TCF20: variants seen among roughly 807,000 people sequenced by gnomAD.
TCF20 encodes the protein transcription factor 20, also known as SPRE-binding protein.
Under a neutral mutation model 148.6 loss-of-function variants are expected in TCF20, and 3 were observed. That is an observed-to-expected ratio of 0.02 (90% CI 0.01 to 0.05). The LOEUF (loss-of-function observed/expected upper bound fraction) is 0.05. Among genes scored for constraint, TCF20 ranks in the 10% least tolerant of loss-of-function variants. The pLI, the probability that TCF20 is intolerant of heterozygous loss-of-function variation, is 1.00. For synonymous variants in TCF20, 1,049 were observed against 909.5 expected, an observed-to-expected ratio of 1.15 and a Z score of -2.76; for missense variants, 2,350 against 2,429.3, an observed-to-expected ratio of 0.97 and a Z score of 0.69.
At chr22:42,281,487 C>A (rs906834928) in intron 1 of TCF20, among the ~76,000 whole-genome samples, 1 of 152,214 alleles carries the variant, frequency 6.6e-6, no homozygotes, top group Admixed American at 6.5e-5. Context: ...TCCCTTCCAA[C>A]GGCTTCAGCC....
In TCF20 at chr22:42,204,311, A is replaced by G. The variant is rs376286851; in HGVS notation, c.5655+5340T>C. On this transcript the variant is annotated intron_variant, in intron 2 of 5. Transcript: ENST00000677622. ...GGAGTTCAAGGCCAGCTTGGCCAACATCCTCAAATCCCGTCTCTACTAAAA... is the reference window on the plus strand; with the variant it reads ...GGAGTTCAAGGCCAGCTTGGCCAACGTCCTCAAATCCCGTCTCTACTAAAA... 3.3e-5 allele frequency among the ~76,000 whole-genome samples: 5 copies of G among 152,280 alleles called. No individual in the cohort carries two copies. The South Asian group carries it at 1.0e-3, about 32-fold the overall frequency.
At chr22:42,191,817 T>C (rs1937350371) in intron 2 of TCF20, among the ~76,000 whole-genome samples, 1 of 152,166 alleles carries the variant, frequency 6.6e-6, no homozygotes. Context: ...TTAGCACTTT[T>C]CCTCTGAATA....
chr22:42,328,942 G>A (rs1165004548), intron 1 of TCF20, among the ~76,000 whole-genome samples: 2 of 152,222 alleles, frequency 1.3e-5, no homozygotes, highest in African/African-American at 4.8e-5. Flanking sequence ...TGTGTGGGAA[G>A]CCTGAAACGC....
At chr22:42,172,910 G>A (rs1486774917) in intron 3 of TCF20, among the ~76,000 whole-genome samples, 5 of 152,192 alleles carry the variant, frequency 3.3e-5, no homozygotes, top group Non-Finnish European at 7.3e-5. Context: ...CATAAGGAGG[G>A]AAATATGGGG....
chr22:42,210,398 A>G lies in TCF20; in HGVS notation c.4908T>C (p.His1636=). The G allele has an allele frequency of 6.2e-7, 1 of 1,614,152 alleles. No homozygotes were observed. Among genetic ancestry groups the G allele is most frequent in the South Asian group, 1.1e-5 (1 of 91,076 alleles). Residue 1636 remains histidine (H), a synonymous_variant, in exon 2 of 6, where the codon CAT becomes CAC. Transcript: ENST00000677622. The surrounding 1 kb of genome is among the most constrained non-coding windows in gnomAD (Gnocchi z 4.7). ...AKNKSFYPYI[H]VVNKCELGAV... ...CTCCAAGTTCACACTTATTTACTAC[A>G]TGGATGTAAGGGTAAAAAGACTTGT...
Position 42,317,117 on chromosome 22 carries a change from C to T in TCF20, c.-37+26362G>A, listed in dbSNP as rs985504035. The stretch of plus-strand genomic sequence containing the variant: ...TGGCAACACTATCCGTCTGCCTCCC[C>T]TGCAGACTGAGCGCTCTGTGTGCTT... On this transcript the variant is annotated intron_variant, in intron 1 of 1. Transcript: ENST00000515426. The surrounding 1 kb of genome is among the most constrained non-coding windows in gnomAD (Gnocchi z 4.2). Among the ~76,000 whole-genome samples, 38 of 152,232 alleles carry T rather than the reference C, an allele frequency of 2.5e-4. No individual in the cohort carries two copies. Among genetic ancestry groups the T allele is most frequent in the Non-Finnish European group, 4.4e-5 (3 of 68,040 alleles).
chr22:42,324,031 A>G (rs113835363), intron 1 of TCF20, among the ~76,000 whole-genome samples: 284 of 4,254 alleles, frequency 0.067, no homozygotes, highest in Non-Finnish European at 0.16. Context: ...GGTGGTGGTG[A>G]TGGAGGTTAT....
At chr22:42,323,909 T>A (rs1427462964) in intron 1 of TCF20, among the ~76,000 whole-genome samples, 3 of 125,112 alleles carry the variant, frequency 2.4e-5, no homozygotes, top group African/African-American at 6.1e-5. Context: ...GTGGAGGTGG[T>A]GGTGGTGATG....
At chr22:42,273,127 A>AGG (rs35219812), upstream of TCF20, among the ~76,000 whole-genome samples, 27,084 of 152,008 alleles carry the variant, frequency 0.18, 2,634 homozygotes, top group East Asian at 0.33. Context: ...TGGGAGGCCA[A>AGG]GGGGGGTGTA....
intron 1 of TCF20, among the ~76,000 whole-genome samples, chr22:42,308,082 A>G (rs1471085763): frequency 2.6e-5 from 4 of 152,188 alleles, no homozygotes; most frequent in Non-Finnish European, 5.9e-5. Context: ...GGCTCCTTCC[A>G]GGCCATTATC....
intron 2 of TCF20, among the ~76,000 whole-genome samples, chr22:42,198,472 T>C (rs953478337): frequency 6.6e-6 from 1 of 152,238 alleles, no homozygotes; most frequent in Non-Finnish European, 1.5e-5. Context: ...CCAAGTCGCT[T>C]ATATAAAATA....
chr22:42,285,840 C>A (rs183464135), upstream of TCF20, among the ~76,000 whole-genome samples: 1 of 152,192 alleles, frequency 6.6e-6, no homozygotes, highest in East Asian at 1.9e-4. The surrounding 1 kb of genome is among the most constrained non-coding windows in gnomAD (Gnocchi z 4.2). Flanking sequence ...CCTCCCCCTA[C>A]TCCCACCACT....
At chr22:42,314,703 T>C (rs1487551436) in intron 1 of TCF20, among the ~76,000 whole-genome samples, 2 of 152,200 alleles carry the variant, frequency 1.3e-5, no homozygotes, top group African/African-American at 4.8e-5. Context: ...AGCCCAGTGC[T>C]GACTGGCACA....
chr22:42,182,566 C>G (rs1373453030), intron 2 of TCF20, among the ~76,000 whole-genome samples: 1 of 152,198 alleles, frequency 6.6e-6, no homozygotes, highest in Non-Finnish European at 1.5e-5. Context: ...AGTGTGCAAA[C>G]TCCACTATGA....
chr22:42,242,553 C>T (rs1390988799), intron 1 of TCF20, among the ~76,000 whole-genome samples: 1 of 152,036 alleles, frequency 6.6e-6, no homozygotes. Flanking sequence ...GTGAGGAGCT[C>T]AAAGTCAAGG....
intron 1 of TCF20, among the ~76,000 whole-genome samples, chr22:42,300,390 A>G (rs566685092): frequency 6.8e-6 from 1 of 146,154 alleles, no homozygotes; most frequent in East Asian, 2.0e-4. Context: ...GGCTCAAACT[A>G]AAAAAAAAAA....
At chr22:42,175,545 T>TG (rs761635422) in intron 3 of TCF20, among the ~76,000 whole-genome samples, 14 of 152,098 alleles carry the variant, frequency 9.2e-5, no homozygotes, top group Middle Eastern at 3.2e-3. Flanking sequence ...TTCACCATGT[T>TG]GGCCAGGCTG....
intron 1 of TCF20, among the ~76,000 whole-genome samples, chr22:42,289,245 A>G (rs1485953195): frequency 6.6e-6 from 1 of 152,144 alleles, no homozygotes; most frequent in East Asian, 1.9e-4. Context: ...GAAGTGAGGT[A>G]TTTTTATACC....
At chr22:42,341,628 C>T (rs1248845692) in intron 1 of TCF20, among the ~76,000 whole-genome samples, 1 of 152,172 alleles carries the variant, frequency 6.6e-6, no homozygotes, top group Non-Finnish European at 1.5e-5. Flanking sequence ...ATTCCGAGAG[C>T]CCTGTAAGGG....
Sources: allele counts gnomAD v4.1 joint callset (sites outside exome capture counted in the v4.1 genomes callset), GRCh38; gene constraint gnomAD v4.1.1; non-coding constraint Gnocchi (gnomAD v3.1); transcripts MANE v1.5; gene names NCBI Gene and HGNC (gene_info 2026-07-23, HGNC 2026-07-21).